ERCC6L2: variants seen among roughly 807,000 people sequenced by gnomAD.
The protein encoded by ERCC6L2 is DNA excision repair protein ERCC-6-like 2.
Under a neutral mutation model 132.0 loss-of-function variants are expected in ERCC6L2, and 77 were observed. The ratio of observed to expected loss-of-function variants is 0.58; its 90% CI spans 0.49 to 0.71. The LOEUF (loss-of-function observed/expected upper bound fraction) is 0.71. Among genes scored for constraint, ERCC6L2 ranks in the 30% least tolerant of loss-of-function variants. The pLI is 0.00. For missense variants in ERCC6L2, 1,542 were observed against 1,837.6 expected, an observed-to-expected ratio of 0.84 and a Z score of 2.94; for synonymous variants, 583 against 632.4, an observed-to-expected ratio of 0.92 and a Z score of 1.17.
chr9:96,030,888 G>A lies in ERCC6L2; in HGVS notation c.*1504-7988G>A, dbSNP rs528169377. ...AACCTTCTGAGCCTTCATTCCTTCC[G>A]GGGAAACCAAACCGCAGTGAAGCCT... On this transcript the variant is annotated intron_variant and NMD_transcript_variant, in intron 19 of 20. Coordinates refer to the ERCC6L2 transcript ENST00000670016. 3.3e-5 allele frequency among the ~76,000 whole-genome samples: 5 copies of A among 152,170 alleles called. No individual in the cohort carries two copies. The East Asian group carries it at 5.8e-4, about 18-fold the overall frequency.
chr9:95,923,318 A>G lies in ERCC6L2; in HGVS notation c.1472A>G (p.Gln491Arg). The change falls in exon 9 of 19, where the codon CAG becomes CGG. Residue 491 changes from glutamine (Q) to arginine (R), a missense_variant. Gln to Arg is a conservative substitution (Grantham distance 43, BLOSUM62 1). This residue lies in a region of ERCC6L2 where 945 missense variants were observed against 1,105.2 expected (regional missense o/e 0.86). Coordinates refer to ENST00000653738, the MANE Select transcript of ERCC6L2 (RefSeq NM_020207.7). Reference sequence around the variant, plus strand: ...TTTTCCAGATTCCCAGATTTTGTGCAGAAAAGCAAAGATGCAGCCTTTGAA... The same window carrying G: ...TTTTCCAGATTCCCAGATTTTGTGCGGAAAAGCAAAGATGCAGCCTTTGAA... ...QVFSRFPDFV[Q>R]KSKDAAFETL... The G allele has an allele frequency of 6.2e-7, 1 of 1,613,972 alleles. No individual in the cohort carries two copies. Among genetic ancestry groups the G allele is most frequent in the Non-Finnish European group, 8.5e-7 (1 of 1,179,908 alleles).
At chr9:95,974,817 A>G (rs2133092541) in intron 16 of ERCC6L2, among the ~76,000 whole-genome samples, 1 of 152,158 alleles carries the variant, frequency 6.6e-6, no homozygotes, top group Admixed American at 6.5e-5. Flanking sequence ...ATATGTATGT[A>G]CACATATGTG....
chr9:95,971,987 C>T lies in ERCC6L2; in HGVS notation c.2236C>T (p.Leu746=). Residue 746 remains leucine (L), a synonymous_variant, in exon 16 of 19, where the codon CTG becomes TTG. Transcript: ENST00000653738. ...AGGTACAGAACAAGCTGCAGAGCCA[C>T]TGGCAAAGGAAGCATGTGATCTCTG... The part of the protein sequence containing the change: ...CRGTEQAAEP[L]AKEACDLCSD... The T allele has an allele frequency of 7.7e-7, 1 of 1,304,080 alleles. No homozygotes were observed. 80.8% of individuals were successfully genotyped at this position (1,304,080 alleles called of 1,614,324 possible). A position where few individuals can be genotyped will look rare whatever the true frequency, so the allele number is the denominator to read the frequency against.
chr9:95,876,244 A>G, intron 1 of ERCC6L2, 160 bp downstream of exon 1: 1 of 612,922 alleles, frequency 1.6e-6, no homozygotes, highest in Non-Finnish European at 2.7e-6. Context: ...CAAATCTCCG[A>G]TTCAGTGTTG....
At chr9:95,918,474 GC>G in intron 6 of ERCC6L2, 1 of 494,072 alleles carries the variant, frequency 2.0e-6, no homozygotes. Context: ...AGGTCTGTTG[GC>G]TCATGAAATA....
intron 19 of ERCC6L2, among the ~76,000 whole-genome samples, chr9:96,031,716 A>G (rs1803927275): frequency 6.6e-6 from 1 of 152,200 alleles, no homozygotes; most frequent in Non-Finnish European, 1.5e-5. Flanking sequence ...AAGTGGGCAG[A>G]TCCCTGAGCC....
chr9:96,022,757 T>C (rs747506946), downstream of ERCC6L2, among the ~76,000 whole-genome samples: 30 of 152,250 alleles, frequency 2.0e-4, no homozygotes, highest in Non-Finnish European at 3.2e-4. Context: ...CTGCCTTTAA[T>C]GGATGGGTGG....
At chr9:95,997,727 C>T (rs1399403560) in intron 17 of ERCC6L2, among the ~76,000 whole-genome samples, 1 of 152,162 alleles carries the variant, frequency 6.6e-6, no homozygotes, top group Non-Finnish European at 1.5e-5. Context: ...TCTTTTATTA[C>T]TTGAATCTTC....
At chr9:95,909,139 T>C (rs1467937220) in intron 4 of ERCC6L2, among the ~76,000 whole-genome samples, 1 of 152,150 alleles carries the variant, frequency 6.6e-6, no homozygotes, top group Non-Finnish European at 1.5e-5. Flanking sequence ...AATTATGCCA[T>C]TTCAGGAATA....
intron 6 of ERCC6L2, among the ~76,000 whole-genome samples, chr9:95,916,974 C>T (rs964725966): frequency 2.0e-5 from 3 of 152,062 alleles, no homozygotes; most frequent in Non-Finnish European, 4.4e-5. Context: ...CGTGAGCCAC[C>T]GTGCCTGGCC....
intron 11 of ERCC6L2, among the ~76,000 whole-genome samples, chr9:95,932,452 T>G (rs1239987398): frequency 3.9e-5 from 6 of 152,188 alleles, no homozygotes; most frequent in African/African-American, 1.4e-4. Flanking sequence ...TGTGTTAAAC[T>G]CTAGCTTTTT....
At chr9:95,943,224 A>G (rs960806733) in intron 12 of ERCC6L2, among the ~76,000 whole-genome samples, 3 of 152,200 alleles carry the variant, frequency 2.0e-5, no homozygotes, top group African/African-American at 7.2e-5. Flanking sequence ...TAGTAACAAG[A>G]ACTAAAATGT....
chr9:95,987,309 T>C (rs1366219595), intron 17 of ERCC6L2, among the ~76,000 whole-genome samples: 16 of 152,326 alleles, frequency 1.1e-4, no homozygotes, highest in Admixed American at 9.1e-4. Flanking sequence ...CAAAGTCTCA[T>C]TTGAGACAAG....
chr9:95,931,927 C>A (rs1309636233), intron 11 of ERCC6L2, among the ~76,000 whole-genome samples: 2 of 151,758 alleles, frequency 1.3e-5, no homozygotes, highest in African/African-American at 4.8e-5. Context: ...TCTGCTCCCT[C>A]CCTCTGGCAT....
rs377024944 is a variant in ERCC6L2 at position 95,933,587 on chromosome 9, G to A, written c.1751+4723G>A. ...AGGCCAGGTGCAGTGGCTCACGCGT[G>A]TATTCCCAGCACTTTGGAAGGCCAA... On this transcript the variant is annotated intron_variant, in intron 11 of 18. Coordinates refer to ENST00000653738, the MANE Select transcript of ERCC6L2 (RefSeq NM_020207.7). Among the ~76,000 whole-genome samples, 22 of 152,282 alleles carry A rather than the reference G, an allele frequency of 1.4e-4. No individual in the cohort carries two copies. In the South Asian group the frequency reaches 4.1e-3, roughly 29 times the overall value.
chr9:96,038,234 G>A (rs753015930), intron 19 of ERCC6L2, among the ~76,000 whole-genome samples: 1 of 152,186 alleles, frequency 6.6e-6, no homozygotes, highest in Non-Finnish European at 1.5e-5. Context: ...AGGCAGGGGA[G>A]GCAGGAAGGC....
At chr9:95,954,168 AT>A (rs1831482526) in intron 12 of ERCC6L2, among the ~76,000 whole-genome samples, 1 of 152,208 alleles carries the variant, frequency 6.6e-6, no homozygotes, top group African/African-American at 2.4e-5. Context: ...CAGGATCTGA[AT>A]CCATGTGGTC....
At chr9:95,994,146 T>G (rs949505547) in intron 17 of ERCC6L2, among the ~76,000 whole-genome samples, 1 of 152,218 alleles carries the variant, frequency 6.6e-6, no homozygotes, top group Non-Finnish European at 1.5e-5. Context: ...TTTGACTGCT[T>G]GATGGCAGAG....
intron 17 of ERCC6L2, among the ~76,000 whole-genome samples, chr9:96,001,255 C>T (rs1382107732): frequency 5.3e-5 from 8 of 152,164 alleles, no homozygotes; most frequent in Admixed American, 3.3e-4. Flanking sequence ...TGGAAGGGGA[C>T]CCGAGCGGGT....
Sources: allele counts gnomAD v4.1 joint callset (sites outside exome capture counted in the v4.1 genomes callset), GRCh38; gene constraint gnomAD v4.1.1; regional missense constraint gnomAD v4.1.1; transcripts MANE v1.5; gene names NCBI Gene and HGNC (gene_info 2026-07-23, HGNC 2026-07-21).